The following EPG5 variants were observed in gnomAD, a reference collection of about 807,000 sequenced individuals.
EPG5 encodes the protein ectopic P granules protein 5 homolog.
Under a neutral mutation model 302.7 loss-of-function variants are expected in EPG5, and 159 were observed. The observed-to-expected ratio is 0.53, with a 90% confidence interval of 0.46 to 0.60. The LOEUF (loss-of-function observed/expected upper bound fraction) is 0.60. Ranked by LOEUF, EPG5 falls within the 20% of genes least tolerant of loss-of-function variation. The pLI, the probability that EPG5 is intolerant of heterozygous loss-of-function variation, is 0.00. For synonymous variants in EPG5, 1,158 were observed against 1,136.8 expected (o/e 1.02, Z -0.37); for missense variants, 2,896 against 3,092.4 (o/e 0.94, Z 1.51).
intron 21 of EPG5, among the ~76,000 whole-genome samples, chr18:45,912,926 A>G (rs1291062881): frequency 2.6e-5 from 4 of 152,076 alleles, no homozygotes; most frequent in African/African-American, 9.7e-5. Flanking sequence ...TGTCTCTACT[A>G]AAAATAGAAA....
chr18:45,938,775 A>G (rs191897874), intron 10 of EPG5, among the ~76,000 whole-genome samples: 292 of 152,336 alleles, frequency 1.9e-3, no homozygotes, highest in Non-Finnish European at 2.4e-3. Context: ...TGAGACCACA[A>G]ATATTAAGCG....
intron 17 of EPG5, chr18:45,916,791 G>C: frequency 2.5e-6 from 1 of 407,840 alleles, no homozygotes; most frequent in East Asian, 4.2e-5. Flanking sequence ...ATTAAGAACA[G>C]ATCCACGACA....
At chr18:45,828,368 G>C in the EPG5 span, among the ~76,000 whole-genome samples, 1 of 152,182 alleles carries the variant, frequency 6.6e-6, no homozygotes, top group Non-Finnish European at 1.5e-5. Context: ...AATCTCCCAG[G>C]GGCTCCCCAC....
chr18:45,881,205 C>A (rs1182987750), intron 31 of EPG5, among the ~76,000 whole-genome samples: 2 of 152,200 alleles, frequency 1.3e-5, no homozygotes, highest in African/African-American at 4.8e-5. Context: ...GAACAAATTT[C>A]TAGCTAAATT....
intron 12 of EPG5, among the ~76,000 whole-genome samples, chr18:45,929,845 T>C (rs2050360625): frequency 6.6e-6 from 1 of 152,220 alleles, no homozygotes; most frequent in African/African-American, 2.4e-5. Context: ...GAATCAAGTA[T>C]TTGATCCTGG....
At chr18:45,957,568 T>G (rs2051059459) in intron 1 of EPG5, among the ~76,000 whole-genome samples, 1 of 152,162 alleles carries the variant, frequency 6.6e-6, no homozygotes, top group Non-Finnish European at 1.5e-5. Context: ...AGAGAAATGT[T>G]AGTGGACACA....
Position 45,948,425 on chromosome 18 carries a change from C to T in EPG5, c.1571+78G>A, listed in dbSNP as rs146611435. On this transcript the variant is annotated intron_variant, in intron 6 of 43. Coordinates refer to ENST00000282041, the MANE Select transcript of EPG5 (RefSeq NM_020964.3). ...TTCCCTTAGCTGTTCTTCTTTGGAT[C>T]TAGGCAGTTTCAGGAGCCAATCCTT... 348 of 1,118,806 alleles carry T rather than the reference C, an allele frequency of 3.1e-4. 9 individuals carry two copies. The highest frequency in any genetic ancestry group is 1.6e-3 in the South Asian group (132 of 80,110). The allele number at this position is 1,118,806 out of a possible 1,614,324, so 69.3% of individuals were successfully genotyped here. A position where few individuals can be genotyped will look rare whatever the true frequency, so the allele number is the denominator to read the frequency against.
the EPG5 span, among the ~76,000 whole-genome samples, chr18:45,800,819 G>A: frequency 6.6e-6 from 1 of 152,136 alleles, no homozygotes; most frequent in African/African-American, 2.4e-5. Flanking sequence ...GAGATCAAAC[G>A]ATGTTCAAAG....
intron 38 of EPG5, among the ~76,000 whole-genome samples, chr18:45,866,182 C>T (rs910704426): frequency 4.1e-5 from 6 of 147,816 alleles, no homozygotes; most frequent in African/African-American, 1.0e-4. Context: ...TGCAGTGGTG[C>T]GATCTCGGCT....
intron 36 of EPG5, among the ~76,000 whole-genome samples, chr18:45,869,429 T>A (rs1378246661): frequency 6.6e-6 from 1 of 152,176 alleles, no homozygotes; most frequent in Non-Finnish European, 1.5e-5. Context: ...ATCCCCAGCT[T>A]CTGGGGTGGT....
At position 45,913,758 on chromosome 18, in the gene EPG5, A is replaced by C; in HGVS notation, c.3764T>G (p.Ile1255Ser). The C allele has an allele frequency of 6.2e-7, 1 of 1,614,140 alleles. No homozygotes were observed. Among genetic ancestry groups the C allele is most frequent in the Non-Finnish European group, 8.5e-7 (1 of 1,180,022 alleles). Reference protein sequence around the residue: ...FEEDSQLRRVIEGELVINSAF... With the variant: ...FEEDSQLRRVSEGELVINSAF... ...AGAGTTTATCACCAATTCCCCTTCA[A>C]TAACTCTCCGGAGCTGGGAGTCCTC... The change falls in exon 21 of 44, where the codon ATT becomes AGT. Residue 1255 changes from isoleucine to serine, a missense_variant. Ile to Ser is a moderately radical substitution (Grantham distance 142). Transcript: ENST00000282041.
At chr18:45,917,238 C>T (rs1326052908) in intron 17 of EPG5, among the ~76,000 whole-genome samples, 1 of 152,172 alleles carries the variant, frequency 6.6e-6, no homozygotes, top group East Asian at 1.9e-4. Flanking sequence ...TTTACTCTTG[C>T]CTCCCTAGAC....
At chr18:45,873,469 C>T (rs999569450) in intron 35 of EPG5, among the ~76,000 whole-genome samples, 1 of 151,268 alleles carries the variant, frequency 6.6e-6, no homozygotes, top group Non-Finnish European at 1.5e-5. Flanking sequence ...AAGATCCTGC[C>T]ACTGCACTCC....
At chr18:45,966,747 C>T (rs1429586561) in intron 1 of EPG5, among the ~76,000 whole-genome samples, 4 of 152,136 alleles carry the variant, frequency 2.6e-5, no homozygotes, top group Non-Finnish European at 5.9e-5. Flanking sequence ...TAAAGTTCTG[C>T]CAAAGGTACC....
intron 40 of EPG5, among the ~76,000 whole-genome samples, chr18:45,859,618 G>T (rs1165910728): frequency 6.6e-6 from 1 of 152,156 alleles, no homozygotes; most frequent in Non-Finnish European, 1.5e-5. Flanking sequence ...TAAAAAGGAG[G>T]GGTGACAATG....
intron 4 of EPG5, among the ~76,000 whole-genome samples, chr18:45,949,817 T>C (rs1334738811): frequency 2.0e-5 from 3 of 152,228 alleles, no homozygotes; most frequent in African/African-American, 7.2e-5. Context: ...TTTTTCTTCT[T>C]TGGCAAATAA....
intron 35 of EPG5, among the ~76,000 whole-genome samples, chr18:45,872,513 G>A (rs947555102): frequency 5.9e-5 from 9 of 152,126 alleles, no homozygotes; most frequent in South Asian, 2.1e-4. Context: ...AGACTAACCT[G>A]GCCAACATGG....
chr18:45,880,342 A>C, intron 31 of EPG5, 119 bp from the exon 32 acceptor site: 2 of 972,536 alleles, frequency 2.1e-6, no homozygotes, highest in Non-Finnish European at 2.8e-6. Context: ...TCCAAAACAA[A>C]CTCACAGGGA....
chr18:45,866,761 G>C (rs1349276800), intron 38 of EPG5, 37 bp downstream of exon 38: 2 of 1,522,460 alleles, frequency 1.3e-6, no homozygotes, highest in Middle Eastern at 1.7e-4. Context: ...CAATCTCCAG[G>C]AACAGTCTCT....
Sources: allele counts gnomAD v4.1 joint callset (sites outside exome capture counted in the v4.1 genomes callset), GRCh38; gene constraint gnomAD v4.1.1; transcripts MANE v1.5; gene names NCBI Gene and HGNC (gene_info 2026-07-23, HGNC 2026-07-21).